The following CPXM2 variants were observed in gnomAD, a reference collection of about 807,000 sequenced individuals.
CPXM2 encodes inactive carboxypeptidase-like protein X2.
In CPXM2, 66 loss-of-function variants were observed where a neutral mutation model predicts 86.1. The ratio of observed to expected loss-of-function variants is 0.77; its 90% CI spans 0.63 to 0.94. The LOEUF (loss-of-function observed/expected upper bound fraction) is 0.94. Among genes scored for constraint, CPXM2 ranks in the 40% least tolerant of loss-of-function variants. CPXM2 has a pLI of 0.00. For missense variants in CPXM2, 948 were observed against 1,026.3 expected, an observed-to-expected ratio of 0.92 and a Z score of 1.04; for synonymous variants, 388 against 400.2, an observed-to-expected ratio of 0.97 and a Z score of 0.36.
At chr10:123,773,991 A>T (rs904508331) in intron 7 of CPXM2, among the ~76,000 whole-genome samples, 4 of 152,196 alleles carry the variant, frequency 2.6e-5, no homozygotes, top group Admixed American at 2.6e-4. Context: ...GTTCACTGCA[A>T]ATCTGTGATT....
chr10:123,923,538 G>A (rs1049814090), intron 2 of CPXM2, among the ~76,000 whole-genome samples: 17 of 150,432 alleles, frequency 1.1e-4, no homozygotes, highest in Admixed American at 1.3e-4. Context: ...CCGAGATCGC[G>A]CCACTGCACT....
At chr10:123,824,130 G>T (rs536842635) in intron 4 of CPXM2, among the ~76,000 whole-genome samples, 1 of 152,250 alleles carries the variant, frequency 6.6e-6, no homozygotes, top group South Asian at 2.1e-4. Flanking sequence ...TTCTTCTTAA[G>T]AGTTCATATT....
At chr10:123,917,922 T>G (rs561364649) in intron 2 of CPXM2, among the ~76,000 whole-genome samples, 1 of 152,318 alleles carries the variant, frequency 6.6e-6, no homozygotes, top group South Asian at 2.1e-4. Context: ...AGGAGACAGA[T>G]CTCTCTATTG....
chr10:123,766,582 G>A (rs751503153), intron 10 of CPXM2, among the ~76,000 whole-genome samples: 2 of 152,174 alleles, frequency 1.3e-5, no homozygotes, highest in African/African-American at 2.4e-5. Context: ...AACACCACAT[G>A]TAGTAAACCC....
rs1366044210 is a variant in CPXM2 at position 123,835,707 on chromosome 10, G to T, written c.653+6642C>A. 3.3e-5 allele frequency among the ~76,000 whole-genome samples: 5 copies of T among 152,350 alleles called. No homozygotes were observed. The East Asian group carries it at 7.7e-4, about 24-fold the overall frequency. ...CACACCCTCTCTCCTGAGAAGATGG[G>T]TGAATGATTTATAAAGTGCTGGCCT... On this transcript the variant is annotated intron_variant, in intron 4 of 13. Coordinates refer to ENST00000241305, the MANE Select transcript of CPXM2 (RefSeq NM_198148.3).
intron 4 of CPXM2, among the ~76,000 whole-genome samples, chr10:123,801,539 AC>A (rs1847459344): frequency 2.0e-5 from 3 of 151,524 alleles, no homozygotes; most frequent in African/African-American, 7.3e-5. Flanking sequence ...CCCTGCCACC[AC>A]CCCAGTTCAC....
In CPXM2 at chr10:123,865,519, T is replaced by C. The variant is rs573486830; in HGVS notation, c.404-2796A>G. Among the ~76,000 whole-genome samples, 1 of 152,110 alleles carries C rather than the reference T, an allele frequency of 6.6e-6. No homozygotes were observed. Among genetic ancestry groups the C allele is most frequent in the South Asian group, 2.1e-4 (1 of 4,802 alleles). ...CAGGTGGAAAGGCACAGAGCTCCCG[T>C]CATCTAGGAAGCAGAACAGTGGATT... On this transcript the variant is annotated intron_variant, in intron 2 of 13. Coordinates refer to ENST00000241305, the MANE Select transcript of CPXM2 (RefSeq NM_198148.3). This position sits in a 1 kb window ranked among gnomAD's most constrained non-coding sequence, Gnocchi z 4.7.
At chr10:123,913,111 G>A in intron 2 of CPXM2, among the ~76,000 whole-genome samples, 1 of 152,182 alleles carries the variant, frequency 6.6e-6, no homozygotes. Flanking sequence ...TGATTAATGA[G>A]TGTGGAGTTT....
chr10:123,880,264 T>A lies in CPXM2; in HGVS notation c.350A>T (p.Lys117Met), dbSNP rs754664405. The change falls in exon 2 of 14, where the codon AAG becomes ATG. Residue 117 changes from lysine (K) to methionine (M), a missense_variant. Transcript: ENST00000241305. Reference protein sequence around the residue: ...KKVMRTKSSEKAANDDHSVRV... With the variant: ...KKVMRTKSSEMAANDDHSVRV... ...GACACTGTGATCATCGTTGGCAGCC[T>A]TCTCAGAGCTCTTGGTTCTCATAAC... 1 of 1,601,450 alleles carries A rather than the reference T, an allele frequency of 6.2e-7. No homozygotes were observed. The highest frequency in any genetic ancestry group is 1.1e-5 in the South Asian group (1 of 90,816).
chr10:123,746,852 T>G lies in CPXM2; in HGVS notation c.2183A>C (p.Glu728Ala). 1 of 1,614,070 alleles carries G rather than the reference T, an allele frequency of 6.2e-7. No individual in the cohort carries two copies. The highest frequency in any genetic ancestry group is 1.1e-5 in the South Asian group (1 of 91,072). Residue 728 changes from glutamate to alanine, a missense_variant, in exon 14 of 14, where the codon GAG becomes GCG. Transcript: ENST00000241305. ...LSKTNMARIR[E>A]IMEKFGKQPV... ...CTGCTTCCCAAACTTCTCCATGATC[T>G]CTCGGATCCTGGCCATGTTGGTTTT...
intron 1 of CPXM2, among the ~76,000 whole-genome samples, chr10:123,882,434 C>T (rs1342259420): frequency 1.5e-4 from 23 of 152,148 alleles, no homozygotes; most frequent in Admixed American, 1.5e-3. Context: ...TCCCTAAGAG[C>T]CTGACCAGGG....
chr10:123,896,138 T>C (rs1299642742), upstream of CPXM2, among the ~76,000 whole-genome samples: 1 of 152,238 alleles, frequency 6.6e-6, no homozygotes, highest in African/African-American at 2.4e-5. Flanking sequence ...ACAAATATTG[T>C]CAAGACATCA....
intron 4 of CPXM2, among the ~76,000 whole-genome samples, chr10:123,799,439 G>T (rs982822214): frequency 6.6e-6 from 1 of 152,156 alleles, no homozygotes; most frequent in Non-Finnish European, 1.5e-5. Context: ...ATTAATGTAA[G>T]CCTCCGTTTA....
chr10:123,789,694 G>A (rs1847159664), intron 6 of CPXM2, among the ~76,000 whole-genome samples: 1 of 152,210 alleles, frequency 6.6e-6, no homozygotes, highest in Admixed American at 6.5e-5. Context: ...GAGCAACGGT[G>A]AGAGCACACC....
At chr10:123,802,780 C>G (rs1847488605) in intron 4 of CPXM2, among the ~76,000 whole-genome samples, 1 of 152,162 alleles carries the variant, frequency 6.6e-6, no homozygotes, top group African/African-American at 2.4e-5. Context: ...CAGCAATAAA[C>G]AAGAGTCTGG....
chr10:123,884,030 G>A (rs1945138942), intron 1 of CPXM2, among the ~76,000 whole-genome samples: 5 of 152,038 alleles, frequency 3.3e-5, no homozygotes, highest in Admixed American at 3.3e-4. Context: ...TATAATTCTT[G>A]GTTAATAGAG....
chr10:123,939,133 C>T (rs1945750242), intron 2 of CPXM2, among the ~76,000 whole-genome samples: 1 of 152,212 alleles, frequency 6.6e-6, no homozygotes, highest in Non-Finnish European at 1.5e-5. Context: ...GCCAATTAAA[C>T]TTGTCCCTCA....
At chr10:123,778,147 G>A (rs1048477744) in intron 7 of CPXM2, among the ~76,000 whole-genome samples, 8 of 152,020 alleles carry the variant, frequency 5.3e-5, no homozygotes, top group African/African-American at 1.2e-4. Flanking sequence ...TATCTTCCTC[G>A]TACAAGGCAA....
At chr10:123,835,808 T>C (rs761588325) in intron 4 of CPXM2, among the ~76,000 whole-genome samples, 4 of 152,196 alleles carry the variant, frequency 2.6e-5, no homozygotes, top group Non-Finnish European at 4.4e-5. Context: ...TGCTGCCATG[T>C]GGGCCCAGGT....
Sources: gnomAD v4.1 joint callset for allele counts (sites outside exome capture counted in the v4.1 genomes callset) on GRCh38, gnomAD v4.1.1 for gene constraint, Gnocchi (gnomAD v3.1) non-coding constraint, MANE v1.5 for transcripts, NCBI Gene and HGNC (gene_info 2026-07-23, HGNC 2026-07-21) for gene names.